Variants in CALCRL observed in about 807,000 individuals in gnomAD.
The protein encoded by CALCRL is calcitonin gene-related peptide type 1 receptor.
A neutral mutation model predicts 60.4 loss-of-function variants in CALCRL; 27 were observed. That is an observed-to-expected ratio of 0.45 (90% CI 0.33 to 0.62). The LOEUF (loss-of-function observed/expected upper bound fraction) is 0.62, where lower values mean the gene tolerates loss of function less well. Ranked by LOEUF, CALCRL falls within the 20% of genes least tolerant of loss-of-function variation. CALCRL has a pLI of 0.03. For missense variants in CALCRL, 424 were observed against 540.7 expected (o/e 0.78, Z 2.14); for synonymous variants, 190 against 182.6 (o/e 1.04, Z -0.33).
chr2:187,384,296 A>G (rs1450831074), intron 4 of CALCRL, among the ~76,000 whole-genome samples: 1 of 152,226 alleles, frequency 6.6e-6, no homozygotes, highest in Admixed American at 6.5e-5. Context: ...GGAAATGTAG[A>G]ACATAAAGAA....
chr2:187,356,161 T>C lies in CALCRL; in HGVS notation c.909+2902A>G, dbSNP rs766705346. 3.7e-4 allele frequency among the ~76,000 whole-genome samples: 57 copies of C among 152,256 alleles called. No homozygotes were observed. The Middle Eastern group carries it at 0.01, about 27-fold the overall frequency. On this transcript the variant is annotated intron_variant, in intron 12 of 14. Coordinates refer to ENST00000392370, the MANE Select transcript of CALCRL (RefSeq NM_005795.6). ...TTAGGAAAAACTACTTTACGTTTCATATGGAACCAAAAAAAGAGCCTGTAT... is the reference window on the plus strand; with the variant it reads ...TTAGGAAAAACTACTTTACGTTTCACATGGAACCAAAAAAAGAGCCTGTAT...
At chr2:187,396,808 A>G (rs1243445106) in intron 1 of CALCRL, among the ~76,000 whole-genome samples, 1 of 151,742 alleles carries the variant, frequency 6.6e-6, no homozygotes, top group Non-Finnish European at 1.5e-5. Flanking sequence ...TATTGTTAAT[A>G]TCGTCTCACT....
chr2:187,379,391 G>C (rs1054318360), intron 7 of CALCRL, among the ~76,000 whole-genome samples: 1 of 151,908 alleles, frequency 6.6e-6, no homozygotes, highest in East Asian at 1.9e-4. Context: ...CAAATGCTAC[G>C]TGATGATTTG....
chr2:187,443,291 A>G (rs1691010445), intron 1 of CALCRL, among the ~76,000 whole-genome samples: 1 of 151,842 alleles, frequency 6.6e-6, no homozygotes, highest in African/African-American at 2.4e-5. Context: ...TTATGTCCTC[A>G]GTCTCATTCA....
At chr2:187,447,216 C>T (rs1691230042) in intron 1 of CALCRL, among the ~76,000 whole-genome samples, 1 of 151,962 alleles carries the variant, frequency 6.6e-6, no homozygotes, top group Admixed American at 6.6e-5. Flanking sequence ...TAATATACTT[C>T]TTTGGGAAAG....
intron 1 of CALCRL, among the ~76,000 whole-genome samples, chr2:187,426,649 T>C (rs1690147721): frequency 6.6e-6 from 1 of 152,090 alleles, no homozygotes; most frequent in Non-Finnish European, 1.5e-5. Context: ...TAGATTGTAA[T>C]ACTTTCAAAA....
intron 1 of CALCRL, among the ~76,000 whole-genome samples, chr2:187,425,917 CAATATCT>C (rs1393946300): frequency 5.3e-5 from 8 of 151,844 alleles, no homozygotes; most frequent in Non-Finnish European, 8.8e-5. Flanking sequence ...AAAAGCAATT[CAATATCT>C]ACCACATTCA....
In CALCRL at chr2:187,357,650, T is replaced by G. The variant is rs867548742; in HGVS notation, c.909+1413A>C. Among the ~76,000 whole-genome samples, 9 of 95,394 alleles carry G rather than the reference T, an allele frequency of 9.4e-5. No homozygotes were observed. The South Asian group carries it at 2.5e-3, about 27-fold the overall frequency. The allele number at this position is 95,394 out of a possible 152,430, so 62.6% of individuals were successfully genotyped here. On this transcript the variant is annotated intron_variant, in intron 12 of 14. Transcript: ENST00000392370. ...TTCAATTCCCACCTATGTTGTGGGG[T>G]CGGGGGAGGGGGGAGGGACAGCATT... is the stretch of plus-strand genomic sequence containing the variant.
intron 14 of CALCRL, among the ~76,000 whole-genome samples, chr2:187,349,872 A>G (rs182196489): frequency 1.4e-4 from 21 of 151,802 alleles, no homozygotes; most frequent in Middle Eastern, 3.4e-3. Flanking sequence ...CTGTTGGCAC[A>G]TGTGTTTTTG....
chr2:187,392,583 T>G (rs1440131554), intron 1 of CALCRL, among the ~76,000 whole-genome samples: 2 of 152,178 alleles, frequency 1.3e-5, no homozygotes, highest in African/African-American at 4.8e-5. Flanking sequence ...ATCTAAAAAA[T>G]GTCAAAGTTC....
At chr2:187,379,472 G>T (rs1346742630) in intron 7 of CALCRL, among the ~76,000 whole-genome samples, 3 of 152,098 alleles carry the variant, frequency 2.0e-5, no homozygotes, top group Non-Finnish European at 4.4e-5. Flanking sequence ...TGACAAATTT[G>T]AAGCTCAGAG....
intron 1 of CALCRL, among the ~76,000 whole-genome samples, chr2:187,442,790 A>G (rs1475984078): frequency 1.3e-5 from 2 of 151,890 alleles, no homozygotes; most frequent in Non-Finnish European, 2.9e-5. Flanking sequence ...GTGTAAATAA[A>G]TTTACTTTTA....
intron 1 of CALCRL, among the ~76,000 whole-genome samples, chr2:187,409,671 A>G (rs1689273059): frequency 6.6e-6 from 1 of 152,222 alleles, no homozygotes; most frequent in South Asian, 2.1e-4. Flanking sequence ...AATAGGGGAG[A>G]CAGGTATTAA....
intron 1 of CALCRL, among the ~76,000 whole-genome samples, chr2:187,431,619 A>G (rs1357135558): frequency 6.6e-6 from 1 of 152,084 alleles, no homozygotes; most frequent in South Asian, 2.1e-4. Flanking sequence ...AGGAACTCCA[A>G]CAGGCACAAA....
intron 1 of CALCRL, among the ~76,000 whole-genome samples, chr2:187,394,914 C>T (rs1359279737): frequency 6.6e-6 from 1 of 152,040 alleles, no homozygotes; most frequent in Non-Finnish European, 1.5e-5. Context: ...TAATGCTAAT[C>T]AATGCCTGGC....
intron 7 of CALCRL, among the ~76,000 whole-genome samples, chr2:187,379,272 A>C (rs1687892717): frequency 6.6e-6 from 1 of 152,026 alleles, no homozygotes; most frequent in African/African-American, 2.4e-5. Context: ...TTTTTTAATA[A>C]TTTTTTAAAA....
intron 1 of CALCRL, among the ~76,000 whole-genome samples, chr2:187,422,398 T>C (rs1689917339): frequency 1.3e-5 from 2 of 152,166 alleles, no homozygotes; most frequent in African/African-American, 4.8e-5. Context: ...TTTTCTGAAT[T>C]CATTTCCATT....
intron 8 of CALCRL, among the ~76,000 whole-genome samples, chr2:187,376,054 A>G (rs956044921): frequency 6.6e-6 from 1 of 152,166 alleles, no homozygotes; most frequent in Non-Finnish European, 1.5e-5. Context: ...GATTAAAAAG[A>G]TAACTCTTTC....
At chr2:187,444,520 G>A (rs2105915567) in intron 1 of CALCRL, among the ~76,000 whole-genome samples, 1 of 151,530 alleles carries the variant, frequency 6.6e-6, no homozygotes, top group East Asian at 1.9e-4. Flanking sequence ...GGCCATTTTT[G>A]CAAACAATAA....
Sources: allele counts gnomAD v4.1 joint callset (sites outside exome capture counted in the v4.1 genomes callset), GRCh38; gene constraint gnomAD v4.1.1; transcripts MANE v1.5; gene names NCBI Gene and HGNC (gene_info 2026-07-23, HGNC 2026-07-21).